CATSPERT: variants seen among roughly 807,000 people sequenced by gnomAD.
CATSPERT encodes catsper channel auxiliary subunit tau, also known as cation channel sperm-associated targeting subunit tau.
chr2:201,561,416 T>C, the CATSPERT span, among the ~76,000 whole-genome samples: 6 of 152,326 alleles, frequency 3.9e-5, no homozygotes, highest in East Asian at 1.2e-3. Context: ...AGTAGTTAAC[T>C]TCTGGGAAAC....
At chr2:201,506,076 G>A in the CATSPERT span, among the ~76,000 whole-genome samples, 4 of 152,310 alleles carry the variant, frequency 2.6e-5, no homozygotes, top group Admixed American at 2.6e-4. Flanking sequence ...GACCATCCTG[G>A]CTAACATGGT....
the CATSPERT span, among the ~76,000 whole-genome samples, chr2:201,617,730 CTTCT>C: frequency 6.6e-6 from 1 of 152,144 alleles, no homozygotes; most frequent in Admixed American, 6.5e-5. Flanking sequence ...AACTAAAGAG[CTTCT>C]GCACAGCAAA....
the CATSPERT span, among the ~76,000 whole-genome samples, chr2:201,613,330 C>T: frequency 3.9e-5 from 6 of 152,180 alleles, no homozygotes; most frequent in East Asian, 1.2e-3. Context: ...CCTCATACAA[C>T]TGGGTGCCCC....
chr2:201,511,566 T>C, the CATSPERT span, among the ~76,000 whole-genome samples: 1 of 152,100 alleles, frequency 6.6e-6, no homozygotes, highest in Non-Finnish European at 1.5e-5. Context: ...AAAATTAATT[T>C]CCCCATCTCT....
the CATSPERT span, among the ~76,000 whole-genome samples, chr2:201,490,914 G>A: frequency 6.6e-6 from 1 of 152,040 alleles, no homozygotes; most frequent in East Asian, 1.9e-4. Context: ...TAGTAGAAAC[G>A]GGGTTTCACC....
the CATSPERT span, among the ~76,000 whole-genome samples, chr2:201,572,607 A>C: frequency 6.6e-6 from 1 of 152,178 alleles, no homozygotes; most frequent in African/African-American, 2.4e-5. Flanking sequence ...ATTACTATAT[A>C]TTATACTTGT....
the CATSPERT span, among the ~76,000 whole-genome samples, chr2:201,507,998 G>A: frequency 5.9e-5 from 9 of 152,252 alleles, no homozygotes; most frequent in East Asian, 1.4e-3. Context: ...CCCCTCCCCC[G>A]ACGTGGGGAT....
the CATSPERT span, among the ~76,000 whole-genome samples, chr2:201,580,187 G>A: frequency 1.3e-5 from 2 of 152,142 alleles, no homozygotes; most frequent in Non-Finnish European, 2.9e-5. Flanking sequence ...AGATAATACT[G>A]TGTACTTCAC....
the CATSPERT span, among the ~76,000 whole-genome samples, chr2:201,521,173 GA>G: frequency 8.5e-5 from 13 of 152,156 alleles, no homozygotes; most frequent in Admixed American, 6.5e-5. Context: ...AAAGTTTAAA[GA>G]AGAATTAATA....
the CATSPERT span, among the ~76,000 whole-genome samples, chr2:201,499,384 A>G: frequency 6.6e-6 from 1 of 152,184 alleles, no homozygotes; most frequent in Admixed American, 6.5e-5. Flanking sequence ...ACACTCCCAA[A>G]AAAGAAAACC....
the CATSPERT span, among the ~76,000 whole-genome samples, chr2:201,592,815 A>G: frequency 6.6e-6 from 1 of 152,012 alleles, no homozygotes; most frequent in Non-Finnish European, 1.5e-5. Context: ...TTTCTGTGGG[A>G]TCGGTGGTGA....
At chr2:201,582,669 T>C in the CATSPERT span, among the ~76,000 whole-genome samples, 1 of 152,230 alleles carries the variant, frequency 6.6e-6, no homozygotes, top group Admixed American at 6.5e-5. Flanking sequence ...TCCTTTTCAG[T>C]CTCTGTTCTT....
At chr2:201,495,937 T>C in the CATSPERT span, 1 of 1,599,206 alleles carries the variant, frequency 6.3e-7, no homozygotes, top group South Asian at 1.1e-5. Context: ...GTCTGAAAGA[T>C]GGTGAATTAT....
chr2:201,492,059 A>G, the CATSPERT span: 1 of 1,530,438 alleles, frequency 6.5e-7, no homozygotes, highest in Non-Finnish European at 8.7e-7. Flanking sequence ...TTAATTAAAG[A>G]TGAATTTCCC....
the CATSPERT span, among the ~76,000 whole-genome samples, chr2:201,512,449 A>G: frequency 1.3e-5 from 2 of 152,060 alleles, no homozygotes; most frequent in East Asian, 1.9e-4. Context: ...TCCTGCCCCC[A>G]TCCCCTATTA....
the CATSPERT span, among the ~76,000 whole-genome samples, chr2:201,548,461 C>T: frequency 7.9e-5 from 12 of 152,070 alleles, no homozygotes; most frequent in African/African-American, 2.9e-4. Context: ...TAACATCACA[C>T]TGGGGACTAG....
chr2:201,497,845 G>A, the CATSPERT span, among the ~76,000 whole-genome samples: 1 of 152,120 alleles, frequency 6.6e-6, no homozygotes, highest in Non-Finnish European at 1.5e-5. Flanking sequence ...TTTCTCCCAA[G>A]GTTCCAGTAC....
chr2:201,565,877 A>C, the CATSPERT span: 1 of 1,568,382 alleles, frequency 6.4e-7, no homozygotes, highest in South Asian at 1.2e-5. Context: ...ACTTTTCTGC[A>C]AAATAATAAT....
the CATSPERT span, among the ~76,000 whole-genome samples, chr2:201,517,914 C>G: frequency 1.3e-5 from 2 of 152,210 alleles, no homozygotes; most frequent in Non-Finnish European, 2.9e-5. Context: ...AAGGTAATAG[C>G]TACTTTTCAA....
Sources: allele counts gnomAD v4.1 joint callset (sites outside exome capture counted in the v4.1 genomes callset), GRCh38; gene constraint gnomAD v4.1.1; transcripts MANE v1.5; gene names NCBI Gene and HGNC (gene_info 2026-07-23, HGNC 2026-07-21).